Variants in KCNJ3 observed in about 807,000 individuals in gnomAD.
KCNJ3 encodes G protein-activated inward rectifier potassium channel 1.
KCNJ3 carries 4 observed loss-of-function variants against 39.2 expected under a neutral mutation model. The ratio of observed to expected loss-of-function variants is 0.10; its 90% confidence interval spans 0.05 to 0.23. The LOEUF is 0.23. KCNJ3 is among the 10% of genes least tolerant of loss of function. KCNJ3 has a pLI of 1.00. For synonymous variants in KCNJ3, 230 were observed against 237.4 expected (o/e 0.97, Z 0.29); for missense variants, 276 against 634.9 (o/e 0.43, Z 6.08).
intron 2 of KCNJ3, among the ~76,000 whole-genome samples, chr2:154,785,964 C>T (rs145801221): frequency 6.6e-6 from 1 of 152,164 alleles, no homozygotes; most frequent in Non-Finnish European, 1.5e-5. Context: ...ATAACAGTCA[C>T]TTTTGAGGTA....
chr2:154,778,202 T>C (rs2105201089), intron 2 of KCNJ3, among the ~76,000 whole-genome samples: 1 of 152,286 alleles, frequency 6.6e-6, no homozygotes, highest in Non-Finnish European at 1.5e-5. Flanking sequence ...ACCAAATGCT[T>C]ATTTGTAGTT....
chr2:154,824,307 G>A (rs1262138338), intron 2 of KCNJ3, among the ~76,000 whole-genome samples: 2 of 152,164 alleles, frequency 1.3e-5, no homozygotes, highest in African/African-American at 4.8e-5. Flanking sequence ...CTGCACTCCA[G>A]TCTGGATGAC....
intron 2 of KCNJ3, among the ~76,000 whole-genome samples, chr2:154,725,832 C>A (rs1685345671): frequency 1.3e-5 from 2 of 152,042 alleles, no homozygotes; most frequent in South Asian, 4.1e-4. Context: ...TTTGACAAAG[C>A]AAACAAAAAC....
chr2:154,736,374 TAA>T (rs70983745), intron 2 of KCNJ3, among the ~76,000 whole-genome samples: 45 of 93,196 alleles, frequency 4.8e-4, no homozygotes, highest in African/African-American at 1.6e-3. Context: ...TCACTAGTTC[TAA>T]AAAAAAAAAA....
chr2:154,834,552 A>C (rs1310068426), intron 2 of KCNJ3, among the ~76,000 whole-genome samples: 1 of 151,962 alleles, frequency 6.6e-6, no homozygotes, highest in Non-Finnish European at 1.5e-5. Flanking sequence ...ACATGGTGAA[A>C]CGCCATCTTT....
chr2:154,834,330 A>G (rs906558674), intron 2 of KCNJ3, among the ~76,000 whole-genome samples: 7 of 152,180 alleles, frequency 4.6e-5, no homozygotes, highest in African/African-American at 1.4e-4. Context: ...TGCCATCTGT[A>G]TATCTTCTTT....
At chr2:154,813,486 A>T (rs753337913) in intron 2 of KCNJ3, among the ~76,000 whole-genome samples, 2 of 152,100 alleles carry the variant, frequency 1.3e-5, no homozygotes, top group African/African-American at 2.4e-5. Flanking sequence ...TTAGAATCCA[A>T]AGTTTAATTT....
At chr2:154,730,867 ACCTATAATTACT>A (rs1685437607) in intron 2 of KCNJ3, among the ~76,000 whole-genome samples, 1 of 152,082 alleles carries the variant, frequency 6.6e-6, no homozygotes, top group South Asian at 2.1e-4. Flanking sequence ...CCCTGCACTA[ACCTATAATTACT>A]CCCTATTTGA....
At chr2:154,839,013 G>A (rs549171785) in intron 2 of KCNJ3, among the ~76,000 whole-genome samples, 8 of 151,980 alleles carry the variant, frequency 5.3e-5, no homozygotes, top group East Asian at 3.9e-4. Context: ...TTGATACATC[G>A]GTATACATGT....
intron 2 of KCNJ3, among the ~76,000 whole-genome samples, chr2:154,820,906 G>A (rs1001240925): frequency 1.3e-5 from 2 of 152,122 alleles, no homozygotes; most frequent in South Asian, 4.1e-4. Context: ...AACTTTTAGA[G>A]TAAAGGGTTG....
intron 2 of KCNJ3, among the ~76,000 whole-genome samples, chr2:154,823,395 C>G (rs1468673705): frequency 1.6e-5 from 2 of 124,072 alleles, no homozygotes; most frequent in East Asian, 2.7e-4. Flanking sequence ...ACCGTAGAAA[C>G]TTTCCACATT....
chr2:154,807,292 G>A (rs1039909286), intron 2 of KCNJ3, among the ~76,000 whole-genome samples: 3 of 152,236 alleles, frequency 2.0e-5, no homozygotes, highest in African/African-American at 7.2e-5. Flanking sequence ...AGGCTTGGGG[G>A]GAAGAAAGTT....
chr2:154,785,752 C>T (rs544705904), intron 2 of KCNJ3, among the ~76,000 whole-genome samples: 1 of 152,160 alleles, frequency 6.6e-6, no homozygotes, highest in Admixed American at 6.5e-5. Flanking sequence ...GGACTTAGCA[C>T]ATATCCCTGA....
At chr2:154,822,439 T>C (rs538062767) in intron 2 of KCNJ3, among the ~76,000 whole-genome samples, 37 of 152,314 alleles carry the variant, frequency 2.4e-4, no homozygotes, top group Non-Finnish European at 2.5e-4. Context: ...AATGAAATAG[T>C]ACTGTGGCAA....
In KCNJ3 at chr2:154,709,735, C is replaced by A. The variant is rs1157862584; in HGVS notation, c.835C>A (p.Pro279Thr). The A allele has an allele frequency of 6.2e-7, 1 of 1,613,722 alleles. No homozygotes were observed. The highest frequency in any genetic ancestry group is 1.3e-5 in the African/African-American group (1 of 74,822). Residue 279 changes from proline (P) to threonine (T), a missense_variant, in exon 2 of 3, where the codon CCC becomes ACC. This residue lies in a region of KCNJ3 where 77 missense variants were observed against 200.0 expected (regional missense o/e 0.38). Coordinates refer to ENST00000295101, the MANE Select transcript of KCNJ3 (RefSeq NM_002239.4). ...TTGCCACGTGATCGATGCCAAAAGCCCCTTTTATGACCTATCCCAGCGAAG... is the reference window on the plus strand; with the variant it reads ...TTGCCACGTGATCGATGCCAAAAGCACCTTTTATGACCTATCCCAGCGAAG... ...TICHVIDAKS[P>T]FYDLSQRSMQ...
chr2:154,744,552 A>G (rs1160308891), intron 2 of KCNJ3, among the ~76,000 whole-genome samples: 1 of 151,754 alleles, frequency 6.6e-6, no homozygotes, highest in Non-Finnish European at 1.5e-5. Flanking sequence ...GTATTTTGGT[A>G]GTACATTTTT....
At chr2:154,747,600 C>T (rs1425874644) in intron 2 of KCNJ3, among the ~76,000 whole-genome samples, 3 of 151,896 alleles carry the variant, frequency 2.0e-5, no homozygotes, top group Admixed American at 1.3e-4. Context: ...ACCCCCATCT[C>T]CATTATAAGT....
chr2:154,738,110 A>G (rs1325915440), intron 2 of KCNJ3, among the ~76,000 whole-genome samples: 1 of 152,156 alleles, frequency 6.6e-6, no homozygotes, highest in Non-Finnish European at 1.5e-5. Context: ...AATGAGATCC[A>G]GTCATTTGCA....
At chr2:154,735,020 G>C (rs1685502912) in intron 2 of KCNJ3, among the ~76,000 whole-genome samples, 1 of 152,012 alleles carries the variant, frequency 6.6e-6, no homozygotes, top group African/African-American at 2.4e-5. Flanking sequence ...CAAAAGTCAA[G>C]TGATAGTGAC....
Sources: gnomAD v4.1 joint callset for allele counts (sites outside exome capture counted in the v4.1 genomes callset) on GRCh38, gnomAD v4.1.1 for gene constraint, gnomAD v4.1.1 regional missense constraint, MANE v1.5 for transcripts, NCBI Gene and HGNC (gene_info 2026-07-23, HGNC 2026-07-21) for gene names.